RASAL2: variants seen among roughly 807,000 people sequenced by gnomAD.
RASAL2 encodes RAS protein activator like 2.
Under a neutral mutation model 128.9 loss-of-function variants are expected in RASAL2, and 58 were observed. The observed-to-expected ratio is 0.45, with a 90% CI of 0.36 to 0.56. The LOEUF (loss-of-function observed/expected upper bound fraction) is 0.56, where lower values mean the gene tolerates loss of function less well. Ranked by LOEUF, RASAL2 falls within the 20% of genes least tolerant of loss-of-function variation. The pLI, the probability that RASAL2 is intolerant of heterozygous loss-of-function variation, is 0.00. For missense variants in RASAL2, 1,360 were observed against 1,601.6 expected (o/e 0.85, Z 2.57); for synonymous variants, 561 against 580.8 (o/e 0.97, Z 0.49).
chr1:178,331,476 A>G (rs771868388), intron 3 of RASAL2, among the ~76,000 whole-genome samples: 2 of 152,212 alleles, frequency 1.3e-5, no homozygotes, highest in African/African-American at 4.8e-5. Flanking sequence ...TAATCTATTT[A>G]AAAACATAAA....
intron 1 of RASAL2, among the ~76,000 whole-genome samples, chr1:178,157,337 A>G (rs1184800545): frequency 6.6e-6 from 1 of 152,084 alleles, no homozygotes; most frequent in Admixed American, 6.6e-5. Context: ...GCTTCTGTGG[A>G]CCACTGCACA....
intron 1 of RASAL2, among the ~76,000 whole-genome samples, chr1:178,274,866 C>T (rs940678078): frequency 6.6e-6 from 1 of 152,210 alleles, no homozygotes; most frequent in Non-Finnish European, 1.5e-5. Flanking sequence ...GCTAGGATTA[C>T]AGGCATGAGC....
In RASAL2 at chr1:178,456,443, G is replaced by A. The variant is rs182249647; in HGVS notation, c.2212-278G>A. 1.2e-5 allele frequency: 6 copies of A among 499,752 alleles called. No individual in the cohort carries two copies. The East Asian group carries it at 2.1e-4, about 17-fold the overall frequency. 31.0% of individuals were successfully genotyped at this position (499,752 alleles called of 1,614,324 possible). A position where few individuals can be genotyped will look rare whatever the true frequency, so the allele number is the denominator to read the frequency against. On this transcript the variant is annotated intron_variant, in intron 12 of 17. Coordinates refer to ENST00000367649, the MANE Select transcript of RASAL2 (RefSeq NM_170692.4). ...GGAATGGCATTAGTTTGGTAGTTTT[G>A]AGCATGTCTTTTAATTTTTACTTGC...
chr1:178,121,080 T>G (rs1659701273), intron 1 of RASAL2: 1 of 152,166 alleles, frequency 6.6e-6, no homozygotes. Flanking sequence ...ATTTTCAAGT[T>G]TTTCCAGGTG....
intron 3 of RASAL2, among the ~76,000 whole-genome samples, chr1:178,310,009 C>T (rs1557892638): frequency 6.6e-6 from 1 of 152,130 alleles, no homozygotes. Flanking sequence ...TTCAACATGG[C>T]TTGGTGAGTA....
At chr1:178,185,541 G>A (rs925915223) in intron 1 of RASAL2, among the ~76,000 whole-genome samples, 1 of 151,744 alleles carries the variant, frequency 6.6e-6, no homozygotes, top group Non-Finnish European at 1.5e-5. Context: ...ATATAAGAAG[G>A]TTTGTTAACA....
rs1000809030 is a variant in RASAL2 at position 178,416,852 on chromosome 1, T to A, written c.565-3659T>A. ...AGCCAGATGTAATGCTTATTTTTGT[T>A]CCTCTGTACATAAGGTGTTTTTTCC... On this transcript the variant is annotated intron_variant, in intron 4 of 17. Transcript: ENST00000367649. 3.3e-5 allele frequency among the ~76,000 whole-genome samples: 5 copies of A among 152,234 alleles called. No homozygotes were observed. The South Asian group carries it at 1.0e-3, about 32-fold the overall frequency.
chr1:178,466,212 G>A, intron 16 of RASAL2, 90 bp downstream of exon 16: 3 of 1,301,302 alleles, frequency 2.3e-6, no homozygotes, highest in Non-Finnish European at 3.1e-6. Flanking sequence ...GGCAGCAAAA[G>A]CCATTTTTAT....
intron 1 of RASAL2, among the ~76,000 whole-genome samples, chr1:178,117,240 A>AATTT (rs35002277): frequency 0.24 from 35,930 of 151,936 alleles, 4,995 homozygotes; most frequent in African/African-American, 0.39. Context: ...TGTAAATAGT[A>AATTT]ATTTTTATGA....
chr1:178,327,138 G>A (rs563527418), intron 3 of RASAL2, among the ~76,000 whole-genome samples: 5 of 152,166 alleles, frequency 3.3e-5, no homozygotes, highest in African/African-American at 9.6e-5. Flanking sequence ...AAACATTTCA[G>A]TATGTGTGTA....
chr1:178,232,185 C>A (rs1056625703), intron 1 of RASAL2, among the ~76,000 whole-genome samples: 3 of 152,076 alleles, frequency 2.0e-5, no homozygotes, highest in Non-Finnish European at 2.9e-5. Flanking sequence ...GTGAGGCTTT[C>A]CATTTGAAAC....
intron 1 of RASAL2, among the ~76,000 whole-genome samples, chr1:178,225,745 T>C (rs1341518998): frequency 2.6e-5 from 4 of 151,790 alleles, no homozygotes; most frequent in African/African-American, 7.3e-5. Context: ...TTGCCTCCTT[T>C]CCTTTCATAC....
chr1:178,334,563 G>A (rs548197080), intron 3 of RASAL2, among the ~76,000 whole-genome samples: 3 of 151,778 alleles, frequency 2.0e-5, no homozygotes, highest in African/African-American at 7.3e-5. Context: ...GGCTGGTCTC[G>A]AACTCCTGAC....
Position 178,458,304 on chromosome 1 carries a change from T to C in RASAL2, c.3012T>C (p.Asn1004=). 3 of 1,614,212 alleles carry C rather than the reference T, an allele frequency of 1.9e-6. No homozygotes were observed. The highest frequency in any genetic ancestry group is 1.6e-4 in the Middle Eastern group (1 of 6,062). ...TACCTCTTGCTTTGCCACGACAAAATAGTACTGGGCAGGCCCAGATCCGAA... is the reference window on the plus strand; with the variant it reads ...TACCTCTTGCTTTGCCACGACAAAACAGTACTGGGCAGGCCCAGATCCGAA... ...RHIPLALPRQ[N]STGQAQIRKV... Residue 1004 remains asparagine, a synonymous_variant, in exon 14 of 18, where the codon AAT becomes AAC. Coordinates refer to ENST00000367649, the MANE Select transcript of RASAL2 (RefSeq NM_170692.4).
chr1:178,270,734 T>C (rs1174743101), intron 1 of RASAL2, among the ~76,000 whole-genome samples: 1 of 152,138 alleles, frequency 6.6e-6, no homozygotes, highest in African/African-American at 2.4e-5. Context: ...GAAAGCTTAC[T>C]GGAGGATCTA....
intron 5 of RASAL2, among the ~76,000 whole-genome samples, chr1:178,437,499 T>A (rs1242524611): frequency 1.3e-5 from 2 of 152,134 alleles, no homozygotes; most frequent in Non-Finnish European, 2.9e-5. Flanking sequence ...GAAATAAAAT[T>A]AATTTATGCT....
intron 3 of RASAL2, among the ~76,000 whole-genome samples, chr1:178,369,852 G>T (rs993119418): frequency 2.6e-5 from 4 of 151,982 alleles, no homozygotes; most frequent in Non-Finnish European, 4.4e-5. Context: ...TTTTCTAAAG[G>T]TATGAGATAT....
At chr1:178,226,863 C>T (rs1315616481) in intron 1 of RASAL2, among the ~76,000 whole-genome samples, 1 of 152,114 alleles carries the variant, frequency 6.6e-6, no homozygotes, top group Non-Finnish European at 1.5e-5. Flanking sequence ...TCACTTGAAC[C>T]CGGGAGGTGG....
intron 2 of RASAL2, among the ~76,000 whole-genome samples, chr1:178,284,520 C>T (rs1666929748): frequency 6.6e-6 from 1 of 152,220 alleles, no homozygotes; most frequent in Non-Finnish European, 1.5e-5. Flanking sequence ...GGACAGGCAT[C>T]TAGTTCTAGG....
Sources: gnomAD v4.1 joint callset for allele counts (sites outside exome capture counted in the v4.1 genomes callset) on GRCh38, gnomAD v4.1.1 for gene constraint, MANE v1.5 for transcripts, NCBI Gene and HGNC (gene_info 2026-07-23, HGNC 2026-07-21) for gene names.